The following CACNA2D3 variants were observed in gnomAD, a reference collection of about 807,000 sequenced individuals.
CACNA2D3 encodes the protein voltage-dependent calcium channel subunit alpha-2/delta-3.
CACNA2D3 carries 60 observed loss-of-function variants against 160.6 expected under a neutral mutation model. That is an observed-to-expected ratio of 0.37 (90% confidence interval 0.30 to 0.46). CACNA2D3 has a LOEUF of 0.46. Ranked by LOEUF, CACNA2D3 falls within the 20% of genes least tolerant of loss-of-function variation. The pLI is 1.00. For missense variants in CACNA2D3, 1,205 were observed against 1,365.0 expected (o/e 0.88, Z 1.85); for synonymous variants, 558 against 492.9 (o/e 1.13, Z -1.75).
intron 13 of CACNA2D3, among the ~76,000 whole-genome samples, chr3:54,796,749 G>A (rs1012404483): frequency 2.8e-4 from 43 of 152,226 alleles, no homozygotes; most frequent in South Asian, 1.0e-3. Flanking sequence ...GTTCACTTCC[G>A]TGAGACACAG....
At position 54,247,312 on chromosome 3, in the gene CACNA2D3, T is replaced by TCAAACAAACAAACAAACAAACAAA. The variant is rs112242643; in HGVS notation, c.205-73110_205-73109insCAAACAAACAAACAAACAAACAAA. Among the ~76,000 whole-genome samples, 110 of 150,848 alleles carry TCAAACAAACAAACAAACAAACAAA rather than the reference T, an allele frequency of 7.3e-4. 1 individual carries two copies. Among genetic ancestry groups the TCAAACAAACAAACAAACAAACAAA allele is most frequent in the South Asian group, 2.3e-3 (11 of 4,750 alleles). On this transcript the variant is annotated intron_variant, in intron 2 of 37. Coordinates refer to ENST00000474759, the MANE Select transcript of CACNA2D3 (RefSeq NM_018398.3). ...CTGGGCAACAGAGCACGACTCCATCTCAAACAAACAAACAAACAAATAAAT... is the reference window on the plus strand; with the variant it reads ...CTGGGCAACAGAGCACGACTCCATCTCAAACAAACAAACAAACAAACAAACAAACAAACAAACAAACAAATAAAT...
chr3:54,696,169 G>A (rs976273634), intron 11 of CACNA2D3, among the ~76,000 whole-genome samples: 6 of 152,104 alleles, frequency 3.9e-5, no homozygotes, highest in Non-Finnish European at 7.4e-5. Flanking sequence ...TTCCATTATA[G>A]TTGCCATCAG....
chr3:54,261,938 T>C (rs1259590915), intron 2 of CACNA2D3, among the ~76,000 whole-genome samples: 1 of 152,212 alleles, frequency 6.6e-6, no homozygotes, highest in Non-Finnish European at 1.5e-5. Context: ...TGCCTGACTA[T>C]GTCCCATCCT....
At chr3:54,155,189 G>A (rs1044969572) in intron 2 of CACNA2D3, among the ~76,000 whole-genome samples, 6 of 152,214 alleles carry the variant, frequency 3.9e-5, no homozygotes, top group African/African-American at 1.4e-4. Context: ...TTAGTGGTCA[G>A]CATGCTAGGC....
At chr3:54,480,724 A>G (rs567542881) in intron 4 of CACNA2D3, among the ~76,000 whole-genome samples, 113 of 152,200 alleles carry the variant, frequency 7.4e-4, no homozygotes, top group African/African-American at 2.5e-3. Flanking sequence ...GGTGGAAAAC[A>G]TGGGCTTGTA....
chr3:54,137,184 G>A (rs980636953), intron 2 of CACNA2D3, among the ~76,000 whole-genome samples: 1 of 152,204 alleles, frequency 6.6e-6, no homozygotes, highest in Non-Finnish European at 1.5e-5. Flanking sequence ...CAATGTGGGC[G>A]GCATGAATGG....
At chr3:54,536,119 G>C (rs1701885362) in intron 5 of CACNA2D3, among the ~76,000 whole-genome samples, 1 of 152,198 alleles carries the variant, frequency 6.6e-6, no homozygotes, top group Non-Finnish European at 1.5e-5. Context: ...GCAGCAAAAA[G>C]TTATTAAAAA....
chr3:54,739,454 C>CA (rs1701600912), intron 11 of CACNA2D3, among the ~76,000 whole-genome samples: 1 of 137,472 alleles, frequency 7.3e-6, no homozygotes, highest in African/African-American at 2.7e-5. Context: ...AAAAAAAAAA[C>CA]CACACACACA....
At chr3:54,764,431 G>A in intron 13 of CACNA2D3, 80 bp downstream of exon 13, 1 of 1,523,720 alleles carries the variant, frequency 6.6e-7, no homozygotes, top group South Asian at 1.2e-5. Flanking sequence ...AATAGCAACT[G>A]TATCACTCTT....
chr3:54,672,056 AC>A (rs751217724), intron 11 of CACNA2D3, among the ~76,000 whole-genome samples: 179 of 152,218 alleles, frequency 1.2e-3, no homozygotes, highest in Non-Finnish European at 2.0e-3. Context: ...AGATCCAAGA[AC>A]CAAAGGAGGT....
At chr3:54,173,346 C>T (rs1576977950) in intron 2 of CACNA2D3, among the ~76,000 whole-genome samples, 1 of 152,274 alleles carries the variant, frequency 6.6e-6, no homozygotes, top group African/African-American at 2.4e-5. Context: ...GTATTATTAG[C>T]CTTCTCCATG....
chr3:54,502,923 C>T (rs1701316143), intron 4 of CACNA2D3, among the ~76,000 whole-genome samples: 1 of 152,178 alleles, frequency 6.6e-6, no homozygotes, highest in South Asian at 2.1e-4. Context: ...TTTTCCCTTG[C>T]TGTTCTTTCT....
In CACNA2D3 at chr3:54,871,581, G is replaced by A. The variant is rs769057874; in HGVS notation, c.1669G>A (p.Val557Ile). 59 of 1,613,684 alleles carry A rather than the reference G, an allele frequency of 3.7e-5. 2 individuals carry two copies. Among genetic ancestry groups the A allele is most frequent in the Middle Eastern group, 3.3e-4 (2 of 6,060 alleles). ...KKRRKPNYSS[V>I]DLSEVEWEDR... ...GCGAAGGAAACCTAACTATAGTAGC[G>A]TTGACCTCTCTGAGGTGGAGTGGGA... The change falls in exon 18 of 38, where the codon GTT (valine) becomes ATT (isoleucine). Residue 557 changes from valine to isoleucine, a missense_variant. By Grantham distance (29) the Val-to-Ile change is conservative (BLOSUM62 3). This residue lies in a region of CACNA2D3 where 911 missense variants were observed against 1,002.2 expected (regional missense o/e 0.91). Coordinates refer to ENST00000474759, the MANE Select transcript of CACNA2D3 (RefSeq NM_018398.3).
intron 13 of CACNA2D3, among the ~76,000 whole-genome samples, chr3:54,782,223 T>A (rs1332202451): frequency 6.6e-6 from 1 of 152,220 alleles, no homozygotes; most frequent in Non-Finnish European, 1.5e-5. Context: ...AGACTAAAAT[T>A]AGCATTCACA....
At chr3:54,554,870 C>CTTTTTT (rs66526065) in intron 5 of CACNA2D3, among the ~76,000 whole-genome samples, 1,030 of 95,944 alleles carry the variant, frequency 0.011, 42 homozygotes, top group African/African-American at 0.03. Flanking sequence ...CTCTCACTCT[C>CTTTTTT]TTTTTTTTTT....
intron 27 of CACNA2D3, chr3:54,918,390 A>C: frequency 4.0e-6 from 5 of 1,249,066 alleles, no homozygotes; most frequent in Non-Finnish European, 5.4e-6. Flanking sequence ...ACTAACAGGA[A>C]ACACATCAGC....
chr3:54,736,213 CTT>C (rs1471863074), intron 11 of CACNA2D3, among the ~76,000 whole-genome samples: 2 of 149,326 alleles, frequency 1.3e-5, no homozygotes. Flanking sequence ...TTTGTAACCT[CTT>C]TTGTTCATTT....
At chr3:54,441,436 T>C (rs1700142963) in intron 4 of CACNA2D3, among the ~76,000 whole-genome samples, 1 of 152,220 alleles carries the variant, frequency 6.6e-6, no homozygotes, top group Non-Finnish European at 1.5e-5. Flanking sequence ...TTCCGTAGGT[T>C]GCCTGTTCAC....
At chr3:54,308,916 A>G (rs544367847) in intron 2 of CACNA2D3, among the ~76,000 whole-genome samples, 24 of 152,380 alleles carry the variant, frequency 1.6e-4, no homozygotes, top group African/African-American at 5.8e-4. Context: ...AAAGCAATCT[A>G]TATGAAGTAG....
Sources: allele counts gnomAD v4.1 joint callset (sites outside exome capture counted in the v4.1 genomes callset), GRCh38; gene constraint gnomAD v4.1.1; regional missense constraint gnomAD v4.1.1; transcripts MANE v1.5; gene names NCBI Gene and HGNC (gene_info 2026-07-23, HGNC 2026-07-21).